The following RALYL variants were observed in gnomAD, a reference collection of about 807,000 sequenced individuals.
RALYL encodes the protein RNA-binding Raly-like protein.
In RALYL, 29 loss-of-function variants were observed where a neutral mutation model predicts 35.1. That is an observed-to-expected ratio of 0.83 (90% CI 0.61 to 1.13). The LOEUF is 1.13. Among genes scored for constraint, RALYL ranks in the 50% most tolerant of loss-of-function variants. The pLI is 0.00. For synonymous variants in RALYL, 120 were observed against 127.6 expected (o/e 0.94, Z 0.40); for missense variants, 359 against 360.4 (o/e 1.00, Z 0.03).
At chr8:84,512,831 G>A (rs1295542790) in intron 1 of RALYL, among the ~76,000 whole-genome samples, 1 of 152,058 alleles carries the variant, frequency 6.6e-6, no homozygotes, top group East Asian at 1.9e-4. Context: ...AAAGTCAATT[G>A]GCTATAAATA....
chr8:84,715,589 A>G (rs925636434), intron 2 of RALYL, among the ~76,000 whole-genome samples: 4 of 152,054 alleles, frequency 2.6e-5, no homozygotes, highest in Admixed American at 6.5e-5. Flanking sequence ...AATATCTGCA[A>G]ATGAATGTAT....
intron 1 of RALYL, among the ~76,000 whole-genome samples, chr8:84,261,092 A>G (rs1024916891): frequency 1.4e-4 from 18 of 124,944 alleles, no homozygotes; most frequent in African/African-American, 4.5e-4. Context: ...GTGTAACTAC[A>G]GTAGTTATTT....
chr8:84,598,414 A>T (rs1231980765), intron 2 of RALYL, among the ~76,000 whole-genome samples: 1 of 152,084 alleles, frequency 6.6e-6, no homozygotes, highest in Non-Finnish European at 1.5e-5. Flanking sequence ...AACTCTGTAG[A>T]CCTCCATGCA....
intron 1 of RALYL, among the ~76,000 whole-genome samples, chr8:84,279,988 T>C (rs1836227969): frequency 6.6e-6 from 1 of 152,198 alleles, no homozygotes; most frequent in Non-Finnish European, 1.5e-5. Context: ...ACTGAGTGAA[T>C]ATAGATAACA....
At chr8:84,789,337 T>C (rs1474375782) in intron 3 of RALYL, among the ~76,000 whole-genome samples, 1 of 152,194 alleles carries the variant, frequency 6.6e-6, no homozygotes, top group Admixed American at 6.5e-5. Context: ...TTAGCAATTG[T>C]TAAAGGTAGT....
At chr8:84,890,626 AATTTGT>A (rs1051277750) in intron 8 of RALYL, among the ~76,000 whole-genome samples, 18 of 152,118 alleles carry the variant, frequency 1.2e-4, no homozygotes, top group Non-Finnish European at 2.1e-4. Flanking sequence ...GGGCTCTAGG[AATTTGT>A]ATTTGTAACA....
chr8:84,422,150 A>G (rs1438862001), intron 1 of RALYL, among the ~76,000 whole-genome samples: 3 of 142,376 alleles, frequency 2.1e-5, no homozygotes, highest in East Asian at 2.1e-4. Flanking sequence ...TACCTCTGGT[A>G]GAATTCGGCT....
intron 2 of RALYL, among the ~76,000 whole-genome samples, chr8:84,742,470 A>AG (rs111308182): frequency 6.6e-6 from 1 of 151,734 alleles, no homozygotes; most frequent in African/African-American, 2.4e-5. Flanking sequence ...TTAAAAAAAA[A>AG]TTAACCTGAA....
intron 1 of RALYL, among the ~76,000 whole-genome samples, chr8:84,286,540 A>T (rs973953776): frequency 6.6e-6 from 1 of 152,190 alleles, no homozygotes; most frequent in Non-Finnish European, 1.5e-5. Context: ...CCTCGCAAGG[A>T]GAATCTGGGA....
chr8:84,451,852 T>C (rs1256047101), intron 1 of RALYL, among the ~76,000 whole-genome samples: 2 of 151,998 alleles, frequency 1.3e-5, no homozygotes, highest in Non-Finnish European at 2.9e-5. Context: ...ATTTGCTTTC[T>C]ACTTGGTGCT....
chr8:84,650,604 G>A lies in RALYL; in HGVS notation c.256+121027G>A, dbSNP rs1347637611. On this transcript the variant is annotated intron_variant, in intron 2 of 8. Transcript: ENST00000521268. ...CTGGAGAGGATGTGGAGAAATAGGA[G>A]CACTTTTACACTGTTGGTGGGACTG... Among the ~76,000 whole-genome samples the A allele has an allele frequency of 2.0e-4, 31 of 151,820 alleles. No homozygotes were observed. In the South Asian group the frequency reaches 2.1e-3, roughly 10 times the overall value.
intron 2 of RALYL, among the ~76,000 whole-genome samples, chr8:84,717,719 A>G (rs924264654): frequency 3.3e-5 from 5 of 152,214 alleles, no homozygotes; most frequent in Admixed American, 6.5e-5. Flanking sequence ...ATTGCATAAG[A>G]TGCACTACAA....
At chr8:84,810,754 C>A (rs923662195) in intron 4 of RALYL, among the ~76,000 whole-genome samples, 1 of 152,120 alleles carries the variant, frequency 6.6e-6, no homozygotes, top group Non-Finnish European at 1.5e-5. Flanking sequence ...CTCTTTGTCT[C>A]TTTTAACTGC....
intron 4 of RALYL, among the ~76,000 whole-genome samples, chr8:84,840,633 C>A (rs960230971): frequency 2.0e-5 from 3 of 152,150 alleles, no homozygotes; most frequent in African/African-American, 7.2e-5. Flanking sequence ...AAAGATGCTA[C>A]TTGAGAAGAG....
intron 2 of RALYL, among the ~76,000 whole-genome samples, chr8:84,566,915 A>G (rs2061821624): frequency 6.6e-6 from 1 of 151,684 alleles, no homozygotes; most frequent in African/African-American, 2.4e-5. Flanking sequence ...CTGTGTTAAT[A>G]CATTTGAATA....
At chr8:84,743,953 G>T (rs1257158323) in intron 2 of RALYL, among the ~76,000 whole-genome samples, 1 of 151,898 alleles carries the variant, frequency 6.6e-6, no homozygotes, top group African/African-American at 2.4e-5. Context: ...GAGGAATGAG[G>T]ATTTATTGTT....
At chr8:84,375,828 A>C (rs1270524044) in intron 1 of RALYL, among the ~76,000 whole-genome samples, 1 of 151,874 alleles carries the variant, frequency 6.6e-6, no homozygotes, top group Non-Finnish European at 1.5e-5. Flanking sequence ...GGCCAAAATA[A>C]ATCGACTAGT....
intron 1 of RALYL, among the ~76,000 whole-genome samples, chr8:84,288,528 A>G (rs1191773766): frequency 2.1e-5 from 3 of 144,514 alleles, no homozygotes; most frequent in Non-Finnish European, 3.0e-5. Context: ...TTTTAATGTC[A>G]TGTTGTATCT....
At chr8:84,329,627 G>A (rs768850610) in intron 1 of RALYL, among the ~76,000 whole-genome samples, 7 of 151,806 alleles carry the variant, frequency 4.6e-5, no homozygotes, top group Non-Finnish European at 7.4e-5. Context: ...ATAGGGTCCT[G>A]CAAGCTTGAG....
Sources: gnomAD v4.1 joint callset for allele counts (sites outside exome capture counted in the v4.1 genomes callset) on GRCh38, gnomAD v4.1.1 for gene constraint, MANE v1.5 for transcripts, NCBI Gene and HGNC (gene_info 2026-07-23, HGNC 2026-07-21) for gene names.